Variants in STIM1 observed in about 807,000 individuals in gnomAD.
The protein encoded by STIM1 is stromal interaction molecule 1.
In STIM1, 25 loss-of-function variants were observed where a neutral mutation model predicts 74.7. The ratio of observed to expected loss-of-function variants is 0.33; its 90% CI spans 0.24 to 0.47. The LOEUF is 0.47. Ranked by LOEUF, STIM1 falls within the 20% of genes least tolerant of loss-of-function variation. The probability of loss-of-function intolerance (pLI) is 1.00; values close to 1 mark genes in which losing one functional copy is unlikely to be tolerated. For synonymous variants in STIM1, 328 were observed against 348.8 expected (o/e 0.94, Z 0.66); for missense variants, 728 against 920.8 (o/e 0.79, Z 2.71).
At chr11:4,072,691 T>C (rs1384305742) in intron 6 of STIM1, among the ~76,000 whole-genome samples, 2 of 152,190 alleles carry the variant, frequency 1.3e-5, no homozygotes, top group Non-Finnish European at 2.9e-5. Flanking sequence ...GACAGACATA[T>C]CATAGTATTG....
At chr11:4,088,289 T>C (rs1369393343) in intron 12 of STIM1, among the ~76,000 whole-genome samples, 1 of 152,176 alleles carries the variant, frequency 6.6e-6, no homozygotes, top group Non-Finnish European at 1.5e-5. Flanking sequence ...TCTGAAATGG[T>C]GACCACAGCC....
intron 7 of STIM1, among the ~76,000 whole-genome samples, chr11:4,078,641 C>T (rs181359233): frequency 6.6e-6 from 1 of 151,846 alleles, no homozygotes; most frequent in Admixed American, 6.6e-5. Flanking sequence ...AATCTCGGCT[C>T]ACTGCAACCT....
intron 1 of STIM1, among the ~76,000 whole-genome samples, chr11:3,930,459 A>T (rs1252050682): frequency 6.6e-6 from 1 of 152,162 alleles, no homozygotes; most frequent in African/African-American, 2.4e-5. Context: ...TGTATTATTG[A>T]ATTATCTCAT....
chr11:3,945,522 C>A (rs890332772), intron 1 of STIM1, among the ~76,000 whole-genome samples: 5 of 152,094 alleles, frequency 3.3e-5, no homozygotes, highest in African/African-American at 1.2e-4. Flanking sequence ...TCACTTGAAC[C>A]CGGGAGGCGG....
chr11:3,981,540 C>G (rs992545786), intron 2 of STIM1, among the ~76,000 whole-genome samples: 28 of 152,178 alleles, frequency 1.8e-4, no homozygotes, highest in African/African-American at 6.3e-4. Context: ...AATAGTTTCT[C>G]TAGTGCAAAG....
intron 11 of STIM1, 38 bp from the exon 12 acceptor site, chr11:4,086,439 G>A: frequency 6.2e-7 from 1 of 1,610,242 alleles, no homozygotes; most frequent in Non-Finnish European, 8.5e-7. Context: ...CCCAAAGTGG[G>A]CTGGCCCCTC....
chr11:4,058,983 G>A, intron 4 of STIM1: 1 of 1,170,404 alleles, frequency 8.5e-7, no homozygotes, highest in Non-Finnish European at 1.1e-6. Context: ...CCTGGAAGGA[G>A]AAGCACAACA....
chr11:3,919,931 A>T (rs1276524534), intron 1 of STIM1, among the ~76,000 whole-genome samples: 1 of 152,134 alleles, frequency 6.6e-6, no homozygotes. Flanking sequence ...TTAAAAAATT[A>T]GTCTGGCATG....
chr11:4,068,142 G>C (rs953501279), intron 5 of STIM1, among the ~76,000 whole-genome samples: 2 of 152,184 alleles, frequency 1.3e-5, no homozygotes, highest in African/African-American at 4.8e-5. Flanking sequence ...GAGGGAGGGA[G>C]TGACTGTTAG....
Position 4,070,159 on chromosome 11 carries a change from G to T in STIM1, c.747G>T (p.Glu249Asp). 6.2e-7 allele frequency: 1 copy of T among 1,614,182 alleles called. No individual in the cohort carries two copies. The change falls in exon 6 of 13, where the codon GAG (glutamate) becomes GAT (aspartate). Residue 249 changes from glutamate to aspartate, a missense_variant. Physicochemically the swap from Glu to Asp is conservative, Grantham distance 45 (BLOSUM62 2). Around this residue, in one of 5 missense-constraint regions of STIM1, gnomAD observed 132 missense variants for 158.2 expected, o/e 0.83. Transcript: ENST00000526596. ...TGAAGAAGATGATGAAGGACTTGGA[G>T]GGGTTACACCGAGCTGAGCAGAGTC... is the stretch of plus-strand genomic sequence containing the variant. ...EHMKKMMKDLEGLHRAEQSLH... is the reference protein window; with the variant it reads ...EHMKKMMKDLDGLHRAEQSLH...
At chr11:3,963,881 A>G (rs2093314455) in intron 1 of STIM1, among the ~76,000 whole-genome samples, 1 of 152,206 alleles carries the variant, frequency 6.6e-6, no homozygotes, top group Admixed American at 6.5e-5. Flanking sequence ...TATACCTCCT[A>G]TATTTGATTC....
intron 4 of STIM1, among the ~76,000 whole-genome samples, chr11:4,056,932 C>A (rs950372886): frequency 2.6e-5 from 4 of 152,150 alleles, no homozygotes; most frequent in African/African-American, 7.2e-5. Flanking sequence ...GTTCTAAATG[C>A]CCTGCTTTTT....
At chr11:3,947,314 C>T (rs1028956404) in intron 1 of STIM1, 5 of 152,114 alleles carry the variant, frequency 3.3e-5, no homozygotes, top group Non-Finnish European at 7.3e-5. Context: ...CTCTTCATAG[C>T]CTGGTACAGG....
At chr11:3,928,141 G>A (rs1306311482) in intron 1 of STIM1, among the ~76,000 whole-genome samples, 2 of 152,004 alleles carry the variant, frequency 1.3e-5, no homozygotes, top group African/African-American at 4.8e-5. Flanking sequence ...CTTTTTCTCA[G>A]CTTTCATGGT....
intron 3 of STIM1, among the ~76,000 whole-genome samples, chr11:4,044,238 TC>T (rs2133014310): frequency 6.6e-6 from 1 of 152,270 alleles, no homozygotes; most frequent in South Asian, 2.1e-4. Flanking sequence ...TTGCATGTCC[TC>T]CTGGGATTTG....
chr11:4,037,947 T>A (rs2094117312), intron 3 of STIM1, among the ~76,000 whole-genome samples: 1 of 152,206 alleles, frequency 6.6e-6, no homozygotes. Context: ...TATAATTCAA[T>A]TGTATTTTCT....
intron 3 of STIM1, among the ~76,000 whole-genome samples, chr11:4,026,948 G>A (rs1326116901): frequency 1.3e-5 from 2 of 152,128 alleles, no homozygotes; most frequent in Non-Finnish European, 2.9e-5. Context: ...TTAATATCCA[G>A]CTCCCTTTTT....
intron 12 of STIM1, chr11:4,088,703 G>T: frequency 6.5e-7 from 1 of 1,535,786 alleles, no homozygotes; most frequent in Non-Finnish European, 8.7e-7. Context: ...ACGCACCAGA[G>T]GATCATCTCT....
intron 1 of STIM1, among the ~76,000 whole-genome samples, chr11:3,873,333 G>T (rs956936808): frequency 2.7e-5 from 4 of 150,124 alleles, no homozygotes; most frequent in African/African-American, 9.9e-5. Flanking sequence ...CAGGAGAATC[G>T]CTTGAACCCG....
Sources: gnomAD v4.1 joint callset for allele counts (sites outside exome capture counted in the v4.1 genomes callset) on GRCh38, gnomAD v4.1.1 for gene constraint, gnomAD v4.1.1 regional missense constraint, MANE v1.5 for transcripts, NCBI Gene and HGNC (gene_info 2026-07-23, HGNC 2026-07-21) for gene names.